PTPRD: variants seen among roughly 807,000 people sequenced by gnomAD.
PTPRD encodes the protein protein tyrosine phosphatase receptor type D.
Under a neutral mutation model 214.5 loss-of-function variants are expected in PTPRD, and 34 were observed. That is an observed-to-expected ratio of 0.16 (90% CI 0.12 to 0.21). The LOEUF (loss-of-function observed/expected upper bound fraction) is 0.21. Ranked by LOEUF, PTPRD falls within the 10% of genes least tolerant of loss-of-function variation. The probability of loss-of-function intolerance (pLI) is 1.00; values close to 1 mark genes in which losing one functional copy is unlikely to be tolerated. For missense variants in PTPRD, 2,545 were observed against 2,398.7 expected (o/e 1.06, Z -1.27); for synonymous variants, 1,128 against 845.7 (o/e 1.33, Z -5.79).
chr9:10,194,709 C>T (rs867943168), intron 3 of PTPRD, among the ~76,000 whole-genome samples: 8 of 151,916 alleles, frequency 5.3e-5, no homozygotes, highest in African/African-American at 1.2e-4. Context: ...GTTCAAAGAA[C>T]GTGAACATTA....
intron 6 of PTPRD, among the ~76,000 whole-genome samples, chr9:9,761,825 A>G (rs779395160): frequency 4.6e-5 from 7 of 152,110 alleles, no homozygotes; most frequent in African/African-American, 9.7e-5. Flanking sequence ...ATTAGTCCCA[A>G]TTGCCTACAT....
At chr9:10,037,482 G>A (rs12006270) in intron 3 of PTPRD, among the ~76,000 whole-genome samples, 52,137 of 151,374 alleles carry the variant, frequency 0.34, 9,688 homozygotes, top group East Asian at 0.62. Flanking sequence ...CTCCCTGAGG[G>A]CTCCCCAGCC....
intron 7 of PTPRD, among the ~76,000 whole-genome samples, chr9:9,670,916 G>T (rs1394645860): frequency 2.6e-5 from 4 of 152,120 alleles, no homozygotes; most frequent in African/African-American, 9.7e-5. Flanking sequence ...GGAAATGTGG[G>T]GTTGGAGATC....
At chr9:9,686,688 A>C (rs2154400905) in intron 7 of PTPRD, among the ~76,000 whole-genome samples, 1 of 151,878 alleles carries the variant, frequency 6.6e-6, no homozygotes, top group Non-Finnish European at 1.5e-5. Flanking sequence ...TACTTTATGT[A>C]ATACATCAAT....
At chr9:8,620,621 G>A (rs2095792201) in intron 14 of PTPRD, among the ~76,000 whole-genome samples, 2 of 152,032 alleles carry the variant, frequency 1.3e-5, no homozygotes, top group African/African-American at 4.8e-5. Context: ...GGGGGGCAGG[G>A]GGTGGCAGGG....
chr9:9,618,672 T>C (rs2095052451), intron 7 of PTPRD, among the ~76,000 whole-genome samples: 1 of 152,184 alleles, frequency 6.6e-6, no homozygotes. Flanking sequence ...ATGTGTTTAA[T>C]GTAAGATAGG....
At chr9:8,999,585 C>G (rs1309740376) in intron 11 of PTPRD, among the ~76,000 whole-genome samples, 1 of 151,920 alleles carries the variant, frequency 6.6e-6, no homozygotes, top group African/African-American at 2.4e-5. Flanking sequence ...TGTGATATTG[C>G]TTTATTGCGG....
At chr9:10,504,478 T>C (rs1471126532) in intron 2 of PTPRD, among the ~76,000 whole-genome samples, 1 of 152,124 alleles carries the variant, frequency 6.6e-6, no homozygotes, top group Non-Finnish European at 1.5e-5. Flanking sequence ...TCAGAAACGA[T>C]GGACATTTAG....
intron 3 of PTPRD, among the ~76,000 whole-genome samples, chr9:10,326,740 T>G (rs1212781604): frequency 2.6e-5 from 4 of 151,564 alleles, no homozygotes; most frequent in Admixed American, 2.6e-4. Flanking sequence ...TATATAAACA[T>G]TTTTGTGTTT....
At chr9:8,352,590 G>A (rs966937926) in intron 39 of PTPRD, among the ~76,000 whole-genome samples, 3 of 152,082 alleles carry the variant, frequency 2.0e-5, no homozygotes, top group South Asian at 2.1e-4. Context: ...TACGTACAAC[G>A]TGTGCAACCT....
intron 2 of PTPRD, among the ~76,000 whole-genome samples, chr9:10,533,375 T>G (rs1368380006): frequency 6.6e-6 from 1 of 152,152 alleles, no homozygotes; most frequent in Non-Finnish European, 1.5e-5. Flanking sequence ...AATTAGCTGT[T>G]GACAAGGAAA....
At chr9:9,571,314 CTCTT>C (rs2086322760) in intron 8 of PTPRD, among the ~76,000 whole-genome samples, 1 of 151,462 alleles carries the variant, frequency 6.6e-6, no homozygotes, top group East Asian at 1.9e-4. Flanking sequence ...GTCTCTCTCT[CTCTT>C]CTCTCTCTAT....
chr9:10,605,413 G>C (rs764415716), intron 2 of PTPRD, among the ~76,000 whole-genome samples: 2 of 151,912 alleles, frequency 1.3e-5, no homozygotes, highest in African/African-American at 2.4e-5. Flanking sequence ...TCAATATTAG[G>C]ATAGTACGGC....
At chr9:10,261,118 A>C (rs1041879131) in intron 3 of PTPRD, among the ~76,000 whole-genome samples, 1 of 149,026 alleles carries the variant, frequency 6.7e-6, no homozygotes, top group Non-Finnish European at 1.5e-5. Context: ...CACTTTTCTG[A>C]ATAAACTACA....
chr9:9,053,384 A>AATGATG (rs147341142), intron 10 of PTPRD, among the ~76,000 whole-genome samples: 9,199 of 151,434 alleles, frequency 0.061, 309 homozygotes, highest in Middle Eastern at 0.097. Flanking sequence ...TATGATGGCC[A>AATGATG]ATGATGATGA....
chr9:9,816,318 A>G (rs1358315570), intron 5 of PTPRD, among the ~76,000 whole-genome samples: 1 of 152,030 alleles, frequency 6.6e-6, no homozygotes, highest in Non-Finnish European at 1.5e-5. Flanking sequence ...AAGACCTATA[A>G]TGTATATTGC....
intron 4 of PTPRD, among the ~76,000 whole-genome samples, chr9:10,004,861 T>C (rs866839796): frequency 6.6e-6 from 1 of 152,138 alleles, no homozygotes; most frequent in South Asian, 2.1e-4. Flanking sequence ...TAAAAGCAGA[T>C]CAGGGTTTAC....
intron 14 of PTPRD, among the ~76,000 whole-genome samples, chr9:8,557,389 G>C (rs1238960011): frequency 1.3e-5 from 2 of 148,666 alleles, no homozygotes; most frequent in Non-Finnish European, 2.9e-5. Context: ...TTCCAATTTT[G>C]AAACTTATTT....
intron 12 of PTPRD, among the ~76,000 whole-genome samples, chr9:8,729,481 G>A (rs2154431022): frequency 6.6e-6 from 1 of 152,102 alleles, no homozygotes; most frequent in East Asian, 1.9e-4. Flanking sequence ...CTTCACACGT[G>A]CTCAATAAAA....
Sources: gnomAD v4.1 joint callset for allele counts (sites outside exome capture counted in the v4.1 genomes callset) on GRCh38, gnomAD v4.1.1 for gene constraint, MANE v1.5 for transcripts, NCBI Gene and HGNC (gene_info 2026-07-23, HGNC 2026-07-21) for gene names.